Variants in TTI2 observed in about 807,000 individuals in gnomAD.
TTI2 encodes the protein TELO2-interacting protein 2.
Under a neutral mutation model 44.9 loss-of-function variants are expected in TTI2, and 26 were observed. The observed-to-expected ratio is 0.58, with a 90% CI of 0.42 to 0.80. TTI2 has a LOEUF of 0.80. Ranked by LOEUF, TTI2 falls within the 30% of genes least tolerant of loss-of-function variation. TTI2 has a pLI of 0.00. For synonymous variants in TTI2, 254 were observed against 250.9 expected (o/e 1.01, Z -0.12); for missense variants, 582 against 611.6 (o/e 0.95, Z 0.51).
At position 33,498,747 on chromosome 8, in the gene TTI2, ATT is replaced by A; in HGVS notation, c.*424_*425del. ...TCTTTTGTGTTGTACTGAACACAAT[ATT>A]TGTGTTTTTATTATTTATGCCACGT... On this transcript the variant is annotated 3_prime_UTR_variant, in exon 8 of 8. Transcript: ENST00000431156. 1.2e-6 allele frequency: 1 copy of A among 857,856 alleles called. No individual in the cohort carries two copies. The allele number at this position is 857,856 out of a possible 1,614,324, so 53.1% of individuals were successfully genotyped here.
chr8:33,499,439 A>T, intron 7 of TTI2, 162 bp from the exon 8 acceptor site: 1 of 598,188 alleles, frequency 1.7e-6, no homozygotes, highest in South Asian at 1.9e-5. Context: ...GTTTTTTATT[A>T]TTTTTAAATT....
intron 3 of TTI2, among the ~76,000 whole-genome samples, chr8:33,507,766 A>T (rs894862735): frequency 6.6e-6 from 1 of 151,926 alleles, no homozygotes; most frequent in African/African-American, 2.4e-5. Flanking sequence ...TGAGAGGCTC[A>T]CTTAAGGCCA....
chr8:33,511,933 G>GCT, intron 2 of TTI2, 34 bp downstream of exon 2: 14 of 1,610,288 alleles, frequency 8.7e-6, no homozygotes, highest in Non-Finnish European at 1.2e-5. Context: ...AAACTGTGAG[G>GCT]CTCAAGTCGG....
At chr8:33,501,342 C>T (rs1382868192) in intron 6 of TTI2, 6 of 152,156 alleles carry the variant, frequency 3.9e-5, no homozygotes, top group Non-Finnish European at 7.3e-5. Context: ...TCTCAGCCCT[C>T]GTTATTCAAC....
chr8:33,505,779 G>C (rs924019830), intron 4 of TTI2, among the ~76,000 whole-genome samples: 1 of 152,054 alleles, frequency 6.6e-6, no homozygotes, highest in Non-Finnish European at 1.5e-5. Flanking sequence ...TCAGCCTTCC[G>C]AGTAGCTGTG....
At chr8:33,505,778 C>T (rs764784286) in intron 4 of TTI2, among the ~76,000 whole-genome samples, 3 of 152,168 alleles carry the variant, frequency 2.0e-5, no homozygotes, top group Non-Finnish European at 4.4e-5. Flanking sequence ...TTCAGCCTTC[C>T]GAGTAGCTGT....
intron 4 of TTI2, 65 bp downstream of exon 4, chr8:33,507,164 A>T: frequency 1.4e-6 from 2 of 1,406,488 alleles, no homozygotes; most frequent in Non-Finnish European, 2.0e-6. Context: ...TACTACTCAC[A>T]CAATGCAACC....
intron 6 of TTI2, among the ~76,000 whole-genome samples, chr8:33,501,762 T>C (rs1374483128): frequency 2.6e-5 from 4 of 152,176 alleles, no homozygotes; most frequent in Non-Finnish European, 4.4e-5. Flanking sequence ...CGGTGCAGAA[T>C]AGCTACTGTA....
intron 6 of TTI2, 94 bp from the exon 7 acceptor site, chr8:33,500,584 T>C (rs965129617): frequency 6.8e-7 from 1 of 1,477,490 alleles, no homozygotes; most frequent in Non-Finnish European, 9.2e-7. Context: ...AGCTATCATT[T>C]CCTAAATTAA....
intron 3 of TTI2, among the ~76,000 whole-genome samples, chr8:33,507,896 G>T (rs1289270225): frequency 1.3e-5 from 2 of 150,758 alleles, no homozygotes; most frequent in African/African-American, 2.4e-5. Context: ...GGCTGAGGTG[G>T]GAGGATCACT....
chr8:33,506,565 C>A (rs1375173835), intron 4 of TTI2, among the ~76,000 whole-genome samples: 1 of 151,356 alleles, frequency 6.6e-6, no homozygotes, highest in Non-Finnish European at 1.5e-5. Context: ...CTAATTTTTC[C>A]TATTTTTAGT....
Position 33,498,919 on chromosome 8 carries a change from A to G in TTI2, c.*254T>C. 2 of 577,568 alleles carry G rather than the reference A, an allele frequency of 3.5e-6. No individual in the cohort carries two copies. The highest frequency in any genetic ancestry group is 6.1e-6 in the Non-Finnish European group (2 of 328,378). 35.8% of individuals were successfully genotyped at this position (577,568 alleles called of 1,614,324 possible). A position where few individuals can be genotyped will look rare whatever the true frequency, so the allele number is the denominator to read the frequency against. On this transcript the variant is annotated 3_prime_UTR_variant, in exon 8 of 8. Coordinates refer to ENST00000431156, the MANE Select transcript of TTI2 (RefSeq NM_001102401.4). Reference sequence around the variant, plus strand: ...ATCTGGGATGAGATGACGGATGTAAATATTTCTAAATTTTAAATGCTACAT... The same window carrying G: ...ATCTGGGATGAGATGACGGATGTAAGTATTTCTAAATTTTAAATGCTACAT...
In TTI2 at chr8:33,500,342, G is replaced by C; in HGVS notation, c.1408C>G (p.Gln470Glu). The change falls in exon 7 of 8, where the codon CAA becomes GAA. Residue 470 changes from glutamine to glutamate, a missense_variant. Gln to Glu is a conservative substitution (Grantham distance 29). Coordinates refer to ENST00000431156, the MANE Select transcript of TTI2 (RefSeq NM_001102401.4). ...DCLILLDRCS[Q>E]GRVKGLLAKI... ...GTCTGCCTTACCTTTACCCGTCCTT[G>C]AGAACAGCGGTCCAGGAGAATCAGG... is the stretch of plus-strand genomic sequence containing the variant. 1 of 1,614,060 alleles carries C rather than the reference G, an allele frequency of 6.2e-7. No homozygotes were observed. The highest frequency in any genetic ancestry group is 1.7e-5 in the Admixed American group (1 of 59,990).
rs1381465665 is a variant in TTI2, at chr8:33,503,937, T to C, written c.928-2A>G. On this transcript the variant is annotated splice_acceptor_variant, in intron 4 of 7. Transcript: ENST00000431156. LOFTEE classifies it high-confidence loss of function. ...ATCCAGCAGACACAGGAGCACAGCCTAGGAGGAAGGAATGGAAGGACGGTG... is the reference window on the plus strand; with the variant it reads ...ATCCAGCAGACACAGGAGCACAGCCCAGGAGGAAGGAATGGAAGGACGGTG... 1 of 1,613,880 alleles carries C rather than the reference T, an allele frequency of 6.2e-7. No individual in the cohort carries two copies. The highest frequency in any genetic ancestry group is 8.5e-7 in the Non-Finnish European group (1 of 1,179,966).
At position 33,512,268 on chromosome 8, in the gene TTI2, C is replaced by T; in HGVS notation, c.346G>A (p.Val116Ile). 1 of 1,614,198 alleles carries T rather than the reference C, an allele frequency of 6.2e-7. No individual in the cohort carries two copies. Among genetic ancestry groups the T allele is most frequent in the Non-Finnish European group, 8.5e-7 (1 of 1,180,036 alleles). Residue 116 changes from valine (V) to isoleucine (I), a missense_variant, in exon 2 of 8, where the codon GTT becomes ATT. Coordinates refer to ENST00000431156, the MANE Select transcript of TTI2 (RefSeq NM_001102401.4). ...HSEAAEKAAQ[V>I]GLLFLKLLGK... ...AACAGTTTAAGAAACAGTAACCCAA[C>T]TTGGGCTGCTTTCTCGGCCGCTTCG...
chr8:33,499,367 C>A, intron 7 of TTI2, 90 bp from the exon 8 acceptor site: 1 of 948,420 alleles, frequency 1.1e-6, no homozygotes, highest in South Asian at 1.4e-5. Context: ...GTATCATATT[C>A]AAAGGAGGAA....
At chr8:33,505,412 T>A (rs1809258591) in intron 4 of TTI2, among the ~76,000 whole-genome samples, 1 of 152,026 alleles carries the variant, frequency 6.6e-6, no homozygotes, top group Non-Finnish European at 1.5e-5. Context: ...AAGCTAAGTA[T>A]CACCTCCTTC....
chr8:33,509,657 G>T, intron 3 of TTI2, 89 bp downstream of exon 3: 1 of 1,313,998 alleles, frequency 7.6e-7, no homozygotes, highest in Non-Finnish European at 1.1e-6. Context: ...AAGTAAAGTT[G>T]AATGACTTAG....
chr8:33,510,569 G>T (rs1359939850), intron 2 of TTI2, among the ~76,000 whole-genome samples: 2 of 152,100 alleles, frequency 1.3e-5, no homozygotes, highest in African/African-American at 2.4e-5. Context: ...TAGAGACGGG[G>T]TTTCACCATG....
Sources: allele counts gnomAD v4.1 joint callset (sites outside exome capture counted in the v4.1 genomes callset), GRCh38; gene constraint gnomAD v4.1.1; transcripts MANE v1.5; gene names NCBI Gene and HGNC (gene_info 2026-07-23, HGNC 2026-07-21).